Variants in CFAP47 observed in about 807,000 individuals in gnomAD.
The protein encoded by CFAP47 is cilia and flagella associated protein 47.
Under a neutral mutation model 148.1 loss-of-function variants are expected in CFAP47, and 29 were observed. The observed-to-expected ratio is 0.20, with a 90% confidence interval of 0.15 to 0.27. CFAP47 has a LOEUF of 0.27. Ranked by LOEUF, CFAP47 falls within the 10% of genes least tolerant of loss-of-function variation. CFAP47 has a pLI of 1.00. For missense variants in CFAP47, 1,872 were observed against 1,697.5 expected, an observed-to-expected ratio of 1.10 and a Z score of -1.81; for synonymous variants, 664 against 577.3, an observed-to-expected ratio of 1.15 and a Z score of -2.15.
intron 33 of CFAP47, among the ~76,000 whole-genome samples, chrX:36,135,981 C>A (rs1001925128): frequency 2.7e-5 from 3 of 111,311 alleles, no homozygotes; most frequent in African/African-American, 9.8e-5. Flanking sequence ...GTGTAAAGAA[C>A]TATACATACA....
At chrX:35,995,363 G>C (rs899097099) in intron 18 of CFAP47, among the ~76,000 whole-genome samples, 8 of 111,807 alleles carry the variant, frequency 7.2e-5, no homozygotes, top group African/African-American at 2.3e-4. Context: ...AGAGGTAGGA[G>C]TTTTAACTAC....
At chrX:35,949,852 A>G (rs1329291336) in intron 4 of CFAP47, among the ~76,000 whole-genome samples, 1 of 112,075 alleles carries the variant, frequency 8.9e-6, no homozygotes, top group African/African-American at 3.2e-5. Flanking sequence ...TGAGTTTTAT[A>G]TCAGCATTCA....
In CFAP47 at chrX:36,351,598, CAT is replaced by C. The variant is rs1280719065; in HGVS notation, c.8698+1467_8698+1468del. ...AACACAAAAACATAGATTTCTTGCA[CAT>C]GTTTCTTCAAAGACAGTTAAACATC... is the stretch of plus-strand genomic sequence containing the variant. On this transcript the variant is annotated intron_variant, in intron 59 of 63. Transcript: ENST00000378653. 1.3e-4 allele frequency among the ~76,000 whole-genome samples: 15 copies of C among 112,004 alleles called. No homozygotes were observed. The East Asian group carries it at 3.9e-3, about 29-fold the overall frequency.
At chrX:35,962,926 G>GGTGTGTGTGTGTGTGTGT (rs59734260) in intron 8 of CFAP47, among the ~76,000 whole-genome samples, 1 of 90,792 alleles carries the variant, frequency 1.1e-5, no homozygotes, top group African/African-American at 4.1e-5. Context: ...AATAAAATGT[G>GGTGTGTGTGTGTGTGTGT]GTGTGTGTGT....
At chrX:36,141,729 A>G (rs778769623) in intron 35 of CFAP47, among the ~76,000 whole-genome samples, 27 of 112,465 alleles carry the variant, frequency 2.4e-4, no homozygotes, top group Admixed American at 1.9e-4. Flanking sequence ...ATCAAAGATT[A>G]TAAGGATAAT....
rs1569333682 is a variant in CFAP47 at position 36,384,904 on chromosome X, C to T, written c.9462C>T (p.Asn3154=). The T allele has an allele frequency of 1.7e-6, 2 of 1,165,154 alleles. No individual in the cohort carries two copies. Among genetic ancestry groups the T allele is most frequent in the Non-Finnish European group, 1.1e-6 (1 of 870,606 alleles). Residue 3154 remains asparagine (N), a synonymous_variant, in exon 64 of 64, where the codon AAC becomes AAT. Transcript: ENST00000378653. The part of the protein sequence containing the change: ...KIDATHKTHD[N]MPVRPHNFVR... ...ATGCTACTCACAAGACACATGACAA[C>T]ATGCCAGTCCGTCCACATAATTTTG... is the stretch of plus-strand genomic sequence containing the variant.
chrX:36,155,962 A>T (rs189725655), intron 37 of CFAP47, among the ~76,000 whole-genome samples: 6 of 111,604 alleles, frequency 5.4e-5, no homozygotes, highest in African/African-American at 1.9e-4. Context: ...TGTGTATAGA[A>T]CTAGATGAAA....
intron 33 of CFAP47, among the ~76,000 whole-genome samples, chrX:36,107,745 C>G (rs1179221647): frequency 2.7e-5 from 3 of 111,913 alleles, no homozygotes; most frequent in East Asian, 2.8e-4. Context: ...CTCTTCTCCT[C>G]TGTTACTATT....
At chrX:36,355,246 T>C (rs1464383030) in intron 60 of CFAP47, among the ~76,000 whole-genome samples, 1 of 111,448 alleles carries the variant, frequency 9.0e-6, no homozygotes, top group African/African-American at 3.3e-5. Context: ...ATTTGAACCC[T>C]TGAACATTGT....
intron 33 of CFAP47, among the ~76,000 whole-genome samples, chrX:36,134,346 A>G (rs1939002350): frequency 9.0e-6 from 1 of 111,632 alleles, no homozygotes; most frequent in African/African-American, 3.2e-5. Context: ...TGCCATTAAA[A>G]TAGCCAAAAC....
chrX:36,039,051 A>G lies in CFAP47; in HGVS notation c.3879A>G (p.Ile1293Met). The G allele has an allele frequency of 1.8e-6, 2 of 1,128,170 alleles. No homozygotes were observed. The highest frequency in any genetic ancestry group is 2.0e-5 in the South Asian group (1 of 50,750). The allele number at this position is 1,128,170 out of a possible 1,213,427, so 93.0% of individuals were successfully genotyped here. A position where few individuals can be genotyped will look rare whatever the true frequency, so the allele number is the denominator to read the frequency against. ...LLNYIPVCYK[I>M]LHLTGEVKSP... ...ATTATATTCCAGTTTGCTATAAAAT[A>G]TTACATCTTACTGGGGAAGTAAAAT... Residue 1293 changes from isoleucine to methionine, a missense_variant, in exon 25 of 64, where the codon ATA becomes ATG. Ile to Met is a conservative substitution (Grantham distance 10). Coordinates refer to ENST00000378653, the MANE Select transcript of CFAP47 (RefSeq NM_001304548.2).
chrX:35,951,875 G>A lies in CFAP47; in HGVS notation c.958G>A (p.Asp320Asn). Residue 320 changes from aspartate (D) to asparagine (N), a missense_variant, in exon 6 of 64, where the codon GAT becomes AAT. Coordinates refer to ENST00000378653, the MANE Select transcript of CFAP47 (RefSeq NM_001304548.2). ...CTACATAAGAAAAATAAAGAACATA[G>A]ATACTACTATCATTATCTCCTGTCT... ...LTYIRKIKNI[D>N]TTIIISCLPN... 8.5e-7 allele frequency: 1 copy of A among 1,173,016 alleles called. No individual in the cohort carries two copies. Among genetic ancestry groups the A allele is most frequent in the South Asian group, 2.0e-5 (1 of 50,213 alleles).
At position 36,235,559 on chromosome X, in the gene CFAP47, T is replaced by C. The variant is rs1324639505; in HGVS notation, c.7015-375T>C. On this transcript the variant is annotated intron_variant, in intron 46 of 63. Coordinates refer to ENST00000378653, the MANE Select transcript of CFAP47 (RefSeq NM_001304548.2). Reference sequence around the variant, plus strand: ...GACTAGGAAAGGGAACTCCCTGACCTCTTGTGCTTCCCGAGTGAGGCAATG... The same window carrying C: ...GACTAGGAAAGGGAACTCCCTGACCCCTTGTGCTTCCCGAGTGAGGCAATG... Among the ~76,000 whole-genome samples the C allele has an allele frequency of 2.7e-5, 3 of 112,605 alleles. No homozygotes were observed. The Admixed American group carries it at 2.8e-4, about 10-fold the overall frequency.
intron 4 of CFAP47, 90 bp downstream of exon 4, chrX:35,948,542 G>C: frequency 2.7e-6 from 2 of 736,798 alleles, no homozygotes; most frequent in Middle Eastern, 3.2e-4. Flanking sequence ...TTGTATGTTA[G>C]CTCCTTTGTT....
At chrX:36,141,275 A>C (rs887974602) in intron 35 of CFAP47, among the ~76,000 whole-genome samples, 1 of 110,808 alleles carries the variant, frequency 9.0e-6, no homozygotes, top group Non-Finnish European at 1.9e-5. Flanking sequence ...TGCAGCCCCT[A>C]GTCCAAATCT....
intron 49 of CFAP47, among the ~76,000 whole-genome samples, chrX:36,260,257 T>C (rs1332777403): frequency 8.9e-6 from 1 of 111,943 alleles, no homozygotes; most frequent in Non-Finnish European, 1.9e-5. Context: ...AATAGTGGGA[T>C]TGCTGGGTCA....
At chrX:36,303,095 A>G (rs1556008113) in intron 53 of CFAP47, among the ~76,000 whole-genome samples, 1 of 112,152 alleles carries the variant, frequency 8.9e-6, no homozygotes, top group Admixed American at 9.5e-5. Flanking sequence ...TGAGGCTAGA[A>G]GTTTAAAATC....
intron 45 of CFAP47, among the ~76,000 whole-genome samples, chrX:36,213,947 T>C (rs1290906491): frequency 8.9e-6 from 1 of 111,900 alleles, no homozygotes; most frequent in African/African-American, 3.3e-5. Context: ...CAATGCATGA[T>C]ACATGAGCCG....
chrX:36,066,872 G>A (rs1465752338), intron 27 of CFAP47, among the ~76,000 whole-genome samples: 1 of 111,712 alleles, frequency 9.0e-6, no homozygotes, highest in Non-Finnish European at 1.9e-5. Context: ...CCAGGGAGAA[G>A]GAGAAAAGCA....
Sources: allele counts gnomAD v4.1 joint callset (sites outside exome capture counted in the v4.1 genomes callset), GRCh38; gene constraint gnomAD v4.1.1; transcripts MANE v1.5; gene names NCBI Gene and HGNC (gene_info 2026-07-23, HGNC 2026-07-21).